Variants in LPP observed in about 807,000 individuals in gnomAD.
LPP encodes the protein lipoma-preferred partner.
In LPP, 38 loss-of-function variants were observed where a neutral mutation model predicts 60.4. The ratio of observed to expected loss-of-function variants is 0.63; its 90% CI spans 0.49 to 0.83. LPP has a LOEUF of 0.83. Among genes scored for constraint, LPP ranks in the 40% least tolerant of loss-of-function variants. The pLI is 0.00. For missense variants in LPP, 902 were observed against 783.6 expected (o/e 1.15, Z -1.80); for synonymous variants, 328 against 290.8 (o/e 1.13, Z -1.30).
At chr3:188,284,451 G>C (rs909538856) in intron 2 of LPP, among the ~76,000 whole-genome samples, 6 of 152,108 alleles carry the variant, frequency 3.9e-5, no homozygotes, top group African/African-American at 9.7e-5. Context: ...GAGGCCCAAG[G>C]GGGAGGTGGA....
chr3:188,765,949 C>G (rs927308553), intron 9 of LPP, among the ~76,000 whole-genome samples: 1 of 143,310 alleles, frequency 7.0e-6, no homozygotes, highest in Non-Finnish European at 1.5e-5. Flanking sequence ...TGGCTCACTG[C>G]AATCTCCACC....
chr3:188,488,622 T>TTA (rs1807341764), intron 5 of LPP, among the ~76,000 whole-genome samples: 1 of 149,574 alleles, frequency 6.7e-6, no homozygotes, highest in Admixed American at 6.7e-5. Context: ...GGTCAGTTAG[T>TTA]TTTATTTATT....
At chr3:188,858,729 A>T (rs891359770) in intron 9 of LPP, among the ~76,000 whole-genome samples, 2 of 152,196 alleles carry the variant, frequency 1.3e-5, no homozygotes, top group East Asian at 1.9e-4. Context: ...AGAAAATTTT[A>T]TAAGAAAATT....
At chr3:188,477,786 T>A (rs1204960517) in intron 4 of LPP, among the ~76,000 whole-genome samples, 2 of 152,270 alleles carry the variant, frequency 1.3e-5, no homozygotes, top group African/African-American at 2.4e-5. Flanking sequence ...GGCAACTTGC[T>A]GTTATCAATA....
chr3:188,429,361 C>T (rs1295060829), intron 4 of LPP, among the ~76,000 whole-genome samples: 2 of 152,032 alleles, frequency 1.3e-5, no homozygotes, highest in Non-Finnish European at 2.9e-5. Flanking sequence ...GTTCTATATC[C>T]CAATAAAAAC....
chr3:188,739,684 A>G (rs1422320525), intron 8 of LPP, among the ~76,000 whole-genome samples: 3 of 152,126 alleles, frequency 2.0e-5, no homozygotes, highest in South Asian at 4.1e-4. Context: ...CTCCAAAAAT[A>G]TCCTTGATAA....
At chr3:188,540,232 T>A (rs141963458) in intron 6 of LPP, among the ~76,000 whole-genome samples, 23 of 152,324 alleles carry the variant, frequency 1.5e-4, no homozygotes, top group African/African-American at 5.1e-4. Flanking sequence ...TGATCTCTCA[T>A]GCCCATTCTA....
intron 1 of LPP, among the ~76,000 whole-genome samples, chr3:188,163,334 A>G (rs78211930): frequency 0.025 from 3,858 of 152,154 alleles, 159 homozygotes; most frequent in African/African-American, 0.09. Flanking sequence ...AGGGTCACTG[A>G]CCTTAAAGGA....
chr3:188,252,282 AT>A (rs533186853), intron 2 of LPP, among the ~76,000 whole-genome samples: 79 of 137,174 alleles, frequency 5.8e-4, no homozygotes, highest in Non-Finnish European at 1.0e-3. Flanking sequence ...GATTTCGTAA[AT>A]TTTTTTTCTT....
chr3:188,622,133 C>T (rs1252759991), intron 7 of LPP, among the ~76,000 whole-genome samples: 5 of 152,144 alleles, frequency 3.3e-5, no homozygotes, highest in African/African-American at 1.2e-4. Context: ...AGCCATCACC[C>T]AGATGGCAAT....
chr3:188,781,764 T>C lies in LPP; in HGVS notation c.1410+21482T>C, dbSNP rs958132428. ...AAAATTAGCCGGACATGGTGGCGGG[T>C]GCCTGTAGTCCCAGCTACTCAGGAG... On this transcript the variant is annotated intron_variant, in intron 9 of 11. Coordinates refer to ENST00000617246, the MANE Select transcript of LPP (RefSeq NM_001375462.1). Among the ~76,000 whole-genome samples the C allele has an allele frequency of 4.7e-5, 7 of 148,462 alleles. 1 individual carries two copies. In the South Asian group the frequency reaches 6.5e-4, roughly 14 times the overall value.
chr3:188,600,381 A>G (rs75340683), intron 6 of LPP, among the ~76,000 whole-genome samples: 20,140 of 151,144 alleles, frequency 0.13, 1,728 homozygotes, highest in East Asian at 0.35. Flanking sequence ...TAAAATAACC[A>G]ATGTTATCAG....
intron 4 of LPP, among the ~76,000 whole-genome samples, chr3:188,478,485 A>C (rs916325337): frequency 1.3e-5 from 2 of 152,058 alleles, no homozygotes; most frequent in Non-Finnish European, 2.9e-5. Context: ...CATTATATAA[A>C]ATATATTTTT....
chr3:188,742,926 T>C (rs1308198206), intron 8 of LPP, among the ~76,000 whole-genome samples: 4 of 152,192 alleles, frequency 2.6e-5, no homozygotes, highest in Admixed American at 6.6e-5. Flanking sequence ...CAGCCTTGTA[T>C]TTGTTGCAAG....
At chr3:188,673,120 A>C (rs955272768) in intron 7 of LPP, among the ~76,000 whole-genome samples, 1 of 152,188 alleles carries the variant, frequency 6.6e-6, no homozygotes, top group Non-Finnish European at 1.5e-5. Context: ...ATATGCTTTG[A>C]AGGAGTACAA....
At chr3:188,684,557 A>C (rs1026131790) in intron 7 of LPP, among the ~76,000 whole-genome samples, 1 of 152,180 alleles carries the variant, frequency 6.6e-6, no homozygotes, top group African/African-American at 2.4e-5. Flanking sequence ...GGGGCTGTCC[A>C]GGTCTTATGT....
intron 2 of LPP, among the ~76,000 whole-genome samples, chr3:188,244,920 T>C (rs1316369429): frequency 6.6e-6 from 1 of 152,206 alleles, no homozygotes; most frequent in Non-Finnish European, 1.5e-5. Flanking sequence ...GAATGATGGA[T>C]GAATGATTTT....
At chr3:188,526,538 G>A (rs893073009) in intron 6 of LPP, among the ~76,000 whole-genome samples, 4 of 152,120 alleles carry the variant, frequency 2.6e-5, no homozygotes, top group Admixed American at 2.6e-4. Flanking sequence ...CGATCTGCCC[G>A]CCTTGGCCTC....
chr3:188,699,400 T>C (rs1863924306), intron 7 of LPP, among the ~76,000 whole-genome samples: 1 of 152,070 alleles, frequency 6.6e-6, no homozygotes, highest in Non-Finnish European at 1.5e-5. Flanking sequence ...CTGTCTGTAA[T>C]TCAGAATCAT....
Sources: gnomAD v4.1 joint callset for allele counts (sites outside exome capture counted in the v4.1 genomes callset) on GRCh38, gnomAD v4.1.1 for gene constraint, MANE v1.5 for transcripts, NCBI Gene and HGNC (gene_info 2026-07-23, HGNC 2026-07-21) for gene names.